The following SPIDR variants were observed in gnomAD, a reference collection of about 807,000 sequenced individuals.
The protein encoded by SPIDR is DNA repair-scaffolding protein.
Under a neutral mutation model 104.6 loss-of-function variants are expected in SPIDR, and 93 were observed. That is an observed-to-expected ratio of 0.89 (90% CI 0.75 to 1.06). SPIDR has a LOEUF of 1.06. Among genes scored for constraint, SPIDR ranks in the 50% least tolerant of loss-of-function variants. The pLI is 0.00. For synonymous variants in SPIDR, 431 were observed against 416.9 expected (o/e 1.03, Z -0.41); for missense variants, 1,154 against 1,111.2 (o/e 1.04, Z -0.55).
chr8:47,631,251 C>T (rs972701546), intron 10 of SPIDR, among the ~76,000 whole-genome samples: 4 of 152,192 alleles, frequency 2.6e-5, no homozygotes, highest in Non-Finnish European at 4.4e-5. Flanking sequence ...CTTGTGACTG[C>T]CCCAAGGCTT....
At chr8:47,320,834 C>G (rs1251155833) in intron 5 of SPIDR, among the ~76,000 whole-genome samples, 2 of 152,082 alleles carry the variant, frequency 1.3e-5, no homozygotes, top group Non-Finnish European at 2.9e-5. Context: ...TAAACAGAAC[C>G]AACGAGTAAA....
At chr8:47,571,046 G>A (rs1406068963) in intron 8 of SPIDR, among the ~76,000 whole-genome samples, 1 of 151,764 alleles carries the variant, frequency 6.6e-6, no homozygotes, top group Non-Finnish European at 1.5e-5. Flanking sequence ...AGCCGAGATC[G>A]CACCACGGCA....
chr8:47,728,999 G>A lies in SPIDR; in HGVS notation c.2502G>A (p.Gln834=), dbSNP rs754693963. The change falls in exon 18 of 20, where the codon CAG becomes CAA. Residue 834 remains glutamine (Q), a synonymous_variant. Coordinates refer to ENST00000297423, the MANE Select transcript of SPIDR (RefSeq NM_001080394.4). ...CTCCTGTTCTCAAGAGGCACCTGCA[G>A]GTCTTCCTGGACTGCCGCTCAAGAC... ...VTSPVLKRHL[Q]VFLDCRSRPQ... The A allele has an allele frequency of 6.2e-7, 1 of 1,614,012 alleles. No homozygotes were observed. The highest frequency in any genetic ancestry group is 2.2e-5 in the East Asian group (1 of 44,876).
intron 8 of SPIDR, chr8:47,511,545 GC>G (rs1586918156): frequency 5.1e-6 from 4 of 782,120 alleles, no homozygotes; most frequent in Non-Finnish European, 9.4e-6. Flanking sequence ...GGTCTCAGTA[GC>G]TTCTGAGTCC....
intron 8 of SPIDR, among the ~76,000 whole-genome samples, chr8:47,569,423 C>G (rs1197012353): frequency 1.3e-5 from 2 of 152,176 alleles, no homozygotes; most frequent in Non-Finnish European, 2.9e-5. Flanking sequence ...TTAAACCTAA[C>G]AGACGTGCAG....
chr8:47,565,146 C>T (rs972622602), intron 8 of SPIDR, among the ~76,000 whole-genome samples: 5 of 151,936 alleles, frequency 3.3e-5, no homozygotes, highest in African/African-American at 1.2e-4. Flanking sequence ...CTTGGGAGGC[C>T]GAGGCAGAAG....
At chr8:47,518,811 A>G in intron 8 of SPIDR, among the ~76,000 whole-genome samples, 1 of 151,034 alleles carries the variant, frequency 6.6e-6, no homozygotes, top group East Asian at 2.0e-4. Flanking sequence ...TAGTTTTTGT[A>G]TTTTTAGTAA....
chr8:47,308,193 C>T (rs1213934028), intron 5 of SPIDR, among the ~76,000 whole-genome samples: 1 of 151,866 alleles, frequency 6.6e-6, no homozygotes. Flanking sequence ...TCCCAAGTAG[C>T]TGGGATTACA....
intron 7 of SPIDR, among the ~76,000 whole-genome samples, chr8:47,415,665 T>A (rs1554674792): frequency 6.6e-6 from 1 of 152,194 alleles, no homozygotes; most frequent in Non-Finnish European, 1.5e-5. Context: ...ACTGTGAGAA[T>A]GTAGGCTCTC....
intron 11 of SPIDR, among the ~76,000 whole-genome samples, chr8:47,674,585 CTTTCTT>C (rs1022268514): frequency 2.0e-4 from 30 of 152,156 alleles, no homozygotes; most frequent in Non-Finnish European, 2.1e-4. Context: ...TGTTACATCT[CTTTCTT>C]TAAATGGTTT....
At chr8:47,461,229 C>T (rs2073881372) in intron 8 of SPIDR, among the ~76,000 whole-genome samples, 1 of 152,134 alleles carries the variant, frequency 6.6e-6, no homozygotes. Flanking sequence ...CAATTATTTC[C>T]CCAAATATGT....
At chr8:47,341,200 A>C (rs1266146570) in intron 5 of SPIDR, among the ~76,000 whole-genome samples, 5 of 152,226 alleles carry the variant, frequency 3.3e-5, no homozygotes, top group Admixed American at 6.5e-5. Context: ...CATTAGAAAA[A>C]TTGGAGTTGA....
intron 8 of SPIDR, among the ~76,000 whole-genome samples, chr8:47,500,626 T>G (rs1185158967): frequency 6.6e-6 from 1 of 152,236 alleles, no homozygotes; most frequent in East Asian, 1.9e-4. Context: ...TCTTTTGCCG[T>G]GCAGAAGCTC....
At chr8:47,342,328 CTTTTTT>C (rs11357859) in intron 5 of SPIDR, among the ~76,000 whole-genome samples, 10 of 68,956 alleles carry the variant, frequency 1.5e-4, no homozygotes, top group African/African-American at 6.4e-4. Flanking sequence ...TTTCAAAGGT[CTTTTTT>C]TTTTTTTTTT....
Position 47,315,834 on chromosome 8 carries a change from C to T in SPIDR, c.525+21804C>T, listed in dbSNP as rs189105335. ...GATGAAAGTTCACCTTGACTCCCTA[C>T]CTCACATGGTACCCAAAAGATAAAT... On this transcript the variant is annotated intron_variant, in intron 5 of 19. Coordinates refer to ENST00000297423, the MANE Select transcript of SPIDR (RefSeq NM_001080394.4). Among the ~76,000 whole-genome samples, 320 of 152,232 alleles carry T rather than the reference C, an allele frequency of 2.1e-3. 1 individual carries two copies. Among genetic ancestry groups the T allele is most frequent in the Non-Finnish European group, 2.1e-3 (145 of 67,978 alleles).
At chr8:47,703,600 C>T (rs186532035) in intron 14 of SPIDR, among the ~76,000 whole-genome samples, 2 of 152,298 alleles carry the variant, frequency 1.3e-5, no homozygotes, top group African/African-American at 4.8e-5. Flanking sequence ...TTTCAGAAAC[C>T]TTTATTTACA....
chr8:47,676,775 T>A (rs969921548), intron 11 of SPIDR, among the ~76,000 whole-genome samples: 13 of 152,178 alleles, frequency 8.5e-5, no homozygotes, highest in African/African-American at 2.9e-4. Flanking sequence ...GGTGATGAAA[T>A]ATCACTCAGC....
At chr8:47,282,049 A>G (rs1366081873) in intron 2 of SPIDR, among the ~76,000 whole-genome samples, 2 of 152,212 alleles carry the variant, frequency 1.3e-5, no homozygotes, top group South Asian at 2.1e-4. Flanking sequence ...TGCATTGTCA[A>G]TCAGCAGTAA....
chr8:47,289,145 G>A (rs2039434294), intron 3 of SPIDR, among the ~76,000 whole-genome samples: 1 of 151,932 alleles, frequency 6.6e-6, no homozygotes, highest in Non-Finnish European at 1.5e-5. Context: ...CAAGTAGCTG[G>A]GACTACAGGC....
Sources: allele counts gnomAD v4.1 joint callset (sites outside exome capture counted in the v4.1 genomes callset), GRCh38; gene constraint gnomAD v4.1.1; transcripts MANE v1.5; gene names NCBI Gene and HGNC (gene_info 2026-07-23, HGNC 2026-07-21).